CCDC7: variants seen among roughly 807,000 people sequenced by gnomAD.
CCDC7 encodes the protein coiled-coil domain containing 7.
In CCDC7, 183 loss-of-function variants were observed where a neutral mutation model predicts 196.9. The ratio of observed to expected loss-of-function variants is 0.93; its 90% CI spans 0.82 to 1.05. CCDC7 has a LOEUF of 1.05. CCDC7 is among the 50% of genes least tolerant of loss of function. CCDC7 has a pLI of 0.00. For synonymous variants in CCDC7, 525 were observed against 484.6 expected (o/e 1.08, Z -1.10); for missense variants, 1,540 against 1,482.2 (o/e 1.04, Z -0.64).
chr10:32,485,655 C>T (rs190688899), intron 8 of CCDC7, among the ~76,000 whole-genome samples: 2 of 152,336 alleles, frequency 1.3e-5, no homozygotes, highest in East Asian at 1.9e-4. Context: ...TTTCCCTCTA[C>T]ACACTGCTTT....
intron 18 of CCDC7, among the ~76,000 whole-genome samples, chr10:32,619,469 C>G (rs1286101665): frequency 2.0e-5 from 3 of 151,852 alleles, no homozygotes; most frequent in African/African-American, 7.3e-5. Flanking sequence ...AATATTTGAT[C>G]AAATTAATAT....
At chr10:32,526,877 G>A (rs567191312) in intron 11 of CCDC7, among the ~76,000 whole-genome samples, 1 of 152,246 alleles carries the variant, frequency 6.6e-6, no homozygotes, top group South Asian at 2.1e-4. Flanking sequence ...GTTGGGGGAA[G>A]GGTGGCACAA....
At chr10:32,782,058 C>T (rs899171739) in intron 29 of CCDC7, among the ~76,000 whole-genome samples, 4 of 152,110 alleles carry the variant, frequency 2.6e-5, no homozygotes, top group African/African-American at 9.7e-5. Context: ...GTTCCATTTA[C>T]AATGGCATCA....
intron 13 of CCDC7, among the ~76,000 whole-genome samples, chr10:32,548,114 A>G (rs1357656682): frequency 1.3e-5 from 2 of 152,194 alleles, no homozygotes; most frequent in African/African-American, 2.4e-5. Context: ...TTTTACTTCT[A>G]TAGAAGGGTG....
At chr10:32,582,442 TA>T (rs1335361109) in intron 16 of CCDC7, among the ~76,000 whole-genome samples, 2 of 151,978 alleles carry the variant, frequency 1.3e-5, no homozygotes, top group Non-Finnish European at 2.9e-5. Flanking sequence ...AATTATCATC[TA>T]AACTAGAATG....
chr10:32,852,616 A>C (rs1476999653), intron 40 of CCDC7, among the ~76,000 whole-genome samples: 1 of 152,086 alleles, frequency 6.6e-6, no homozygotes, highest in Non-Finnish European at 1.5e-5. Context: ...TGAAACTTTT[A>C]AAAAATGTAA....
At chr10:32,697,425 G>A (rs1031773603) in intron 24 of CCDC7, among the ~76,000 whole-genome samples, 15 of 152,176 alleles carry the variant, frequency 9.9e-5, no homozygotes, top group African/African-American at 3.6e-4. Context: ...TCTTAGTCAA[G>A]GGAAGCCATG....
At chr10:32,872,812 G>T (rs1171738655) in intron 41 of CCDC7, among the ~76,000 whole-genome samples, 1 of 152,004 alleles carries the variant, frequency 6.6e-6, no homozygotes, top group Non-Finnish European at 1.5e-5. Flanking sequence ...TAGTTTGGCT[G>T]GATATGAAAT....
intron 29 of CCDC7, among the ~76,000 whole-genome samples, chr10:32,779,471 T>C (rs528457700): frequency 2.1e-4 from 32 of 152,336 alleles, no homozygotes; most frequent in African/African-American, 7.2e-4. Context: ...TAGTACCATA[T>C]AGGCAATATG....
At chr10:32,779,998 G>A (rs1328557124) in intron 29 of CCDC7, among the ~76,000 whole-genome samples, 2 of 152,126 alleles carry the variant, frequency 1.3e-5, no homozygotes, top group Admixed American at 6.5e-5. Flanking sequence ...CAAGCACTTC[G>A]GGAGGCTAGG....
chr10:32,566,230 T>C (rs2056769338), intron 14 of CCDC7, among the ~76,000 whole-genome samples: 1 of 152,202 alleles, frequency 6.6e-6, no homozygotes. Flanking sequence ...TGAATTGATA[T>C]ATTCATCTGT....
chr10:32,880,723 G>T (rs1331964753), downstream of CCDC7, among the ~76,000 whole-genome samples: 1 of 152,142 alleles, frequency 6.6e-6, no homozygotes, highest in Non-Finnish European at 1.5e-5. Flanking sequence ...TTTTGTATAA[G>T]GTGCAAGGAA....
upstream of CCDC7, among the ~76,000 whole-genome samples, chr10:32,446,900 G>C (rs71493127): frequency 6.3e-4 from 45 of 70,870 alleles, no homozygotes; most frequent in Middle Eastern, 6.8e-3. Context: ...CTGCCTGCCT[G>C]CCTGCCTCCC....
chr10:32,452,807 AT>A (rs1024242825), intron 1 of CCDC7, among the ~76,000 whole-genome samples: 1 of 152,106 alleles, frequency 6.6e-6, no homozygotes, highest in Non-Finnish European at 1.5e-5. Flanking sequence ...CTGAGTTTCT[AT>A]TTTTTTCACT....
chr10:32,582,416 A>G (rs952181732), intron 16 of CCDC7, among the ~76,000 whole-genome samples: 8 of 152,116 alleles, frequency 5.3e-5, no homozygotes, highest in Middle Eastern at 3.4e-3. Flanking sequence ...AAATTTTTAT[A>G]TAGTTTGATC....
At chr10:32,754,935 C>T (rs1361499880) in intron 28 of CCDC7, among the ~76,000 whole-genome samples, 1 of 140,318 alleles carries the variant, frequency 7.1e-6, no homozygotes, top group East Asian at 1.9e-4. Flanking sequence ...TGCGCTTTTC[C>T]AATGGTCTTA....
intron 29 of CCDC7, among the ~76,000 whole-genome samples, chr10:32,800,195 T>C (rs1050328635): frequency 3.3e-5 from 5 of 152,210 alleles, no homozygotes; most frequent in African/African-American, 1.2e-4. Flanking sequence ...TCACCACCCC[T>C]GCATCTTTCA....
intron 25 of CCDC7, among the ~76,000 whole-genome samples, chr10:32,718,776 G>A (rs1225248187): frequency 6.6e-6 from 1 of 152,072 alleles, no homozygotes; most frequent in African/African-American, 2.4e-5. Context: ...ATTCACAATT[G>A]CTACAAAGAA....
At chr10:32,446,623 G>A (rs2031128759) in intron 1 of CCDC7, 1 of 152,142 alleles carries the variant, frequency 6.6e-6, no homozygotes, top group African/African-American at 2.4e-5. Flanking sequence ...TAAAGGATTT[G>A]AAATGAATGT....
Sources: gnomAD v4.1 joint callset for allele counts (sites outside exome capture counted in the v4.1 genomes callset) on GRCh38, gnomAD v4.1.1 for gene constraint, MANE v1.5 for transcripts, NCBI Gene and HGNC (gene_info 2026-07-23, HGNC 2026-07-21) for gene names.